MAP4: variants seen among roughly 807,000 people sequenced by gnomAD.
The protein encoded by MAP4 is microtubule-associated protein 4.
In MAP4, 76 loss-of-function variants were observed where a neutral mutation model predicts 170.2. That is an observed-to-expected ratio of 0.45 (90% CI 0.37 to 0.54). The LOEUF is 0.54. Among genes scored for constraint, MAP4 ranks in the 20% least tolerant of loss-of-function variants. The pLI is 0.00. For synonymous variants in MAP4, 909 were observed against 994.5 expected, an observed-to-expected ratio of 0.91 and a Z score of 1.62; for missense variants, 2,506 against 2,748.0, an observed-to-expected ratio of 0.91 and a Z score of 1.97.
intron 3 of MAP4, among the ~76,000 whole-genome samples, chr3:47,970,666 C>T (rs1232887796): frequency 6.6e-6 from 1 of 151,830 alleles, no homozygotes; most frequent in Non-Finnish European, 1.5e-5. Context: ...AAAAAATTAG[C>T]TGGGCATGGT....
chr3:47,970,612 C>G (rs2100078077), intron 3 of MAP4, among the ~76,000 whole-genome samples: 1 of 151,910 alleles, frequency 6.6e-6, no homozygotes, highest in South Asian at 2.1e-4. Context: ...GAGTTCGAGA[C>G]CAGCCTGGCC....
chr3:48,009,090 TTTGTTGTTGTTG>T (rs371280122), intron 1 of MAP4, among the ~76,000 whole-genome samples: 1 of 151,660 alleles, frequency 6.6e-6, no homozygotes. Flanking sequence ...GTTTTTTTGG[TTTGTTGTTGTTG>T]TTGTTGTTGT....
At chr3:48,025,213 T>C (rs1255503448) in intron 1 of MAP4, among the ~76,000 whole-genome samples, 1 of 152,154 alleles carries the variant, frequency 6.6e-6, no homozygotes, top group Non-Finnish European at 1.5e-5. Context: ...TGTGATTTCA[T>C]ATGGCTTGAC....
At chr3:47,884,470 C>T (rs555344517) in intron 10 of MAP4, among the ~76,000 whole-genome samples, 89 of 152,220 alleles carry the variant, frequency 5.8e-4, no homozygotes, top group Non-Finnish European at 6.6e-4. Context: ...CATGCAATCA[C>T]CCTGTTTATA....
At chr3:47,935,497 C>T (rs2100052184) in intron 3 of MAP4, among the ~76,000 whole-genome samples, 1 of 152,036 alleles carries the variant, frequency 6.6e-6, no homozygotes, top group South Asian at 2.1e-4. Flanking sequence ...AAAGGGAAAC[C>T]CACCCCTAGG....
In MAP4 at chr3:47,852,860, G is replaced by A; in HGVS notation, c.*74C>T. ...GAGTTGGGGCCGCCAGGGAAGTGTG[G>A]GGGGCGGGAGACAATGTCGGCCCCG... On this transcript the variant is annotated 3_prime_UTR_variant, in exon 21 of 21. Transcript: ENST00000683076. The A allele has an allele frequency of 6.4e-7, 1 of 1,566,782 alleles. No individual in the cohort carries two copies. Among genetic ancestry groups the A allele is most frequent in the South Asian group, 1.2e-5 (1 of 86,366 alleles).
intron 17 of MAP4, among the ~76,000 whole-genome samples, chr3:47,864,036 G>T (rs1161369021): frequency 6.6e-6 from 1 of 151,032 alleles, no homozygotes; most frequent in Non-Finnish European, 1.5e-5. Context: ...GAAGTGTGGT[G>T]GTGCCATCAC....
intron 1 of MAP4, among the ~76,000 whole-genome samples, chr3:48,036,636 C>T (rs766618990): frequency 1.3e-4 from 20 of 152,146 alleles, no homozygotes; most frequent in Non-Finnish European, 2.5e-4. Flanking sequence ...TCTATGTAAA[C>T]AGTACCAGTC....
intron 1 of MAP4, among the ~76,000 whole-genome samples, chr3:48,086,558 G>T: frequency 6.6e-6 from 1 of 152,128 alleles, no homozygotes; most frequent in East Asian, 1.9e-4. Flanking sequence ...AGAACTGCTT[G>T]AACTCCGGAG....
intron 3 of MAP4, among the ~76,000 whole-genome samples, chr3:47,931,221 CA>C (rs374262025): frequency 2.6e-4 from 39 of 147,698 alleles, no homozygotes; most frequent in Middle Eastern, 3.6e-3. Flanking sequence ...CAAAAACATA[CA>C]AAAAAAAAAT....
chr3:48,009,090 TTTGTTGTTG>T (rs371280122), intron 1 of MAP4, among the ~76,000 whole-genome samples: 9 of 151,778 alleles, frequency 5.9e-5, no homozygotes, highest in Admixed American at 4.6e-4. Context: ...GTTTTTTTGG[TTTGTTGTTG>T]TTGTTGTTGT....
chr3:47,955,478 ACACT>A (rs1181284496), intron 3 of MAP4, among the ~76,000 whole-genome samples: 95 of 144,978 alleles, frequency 6.6e-4, no homozygotes, highest in African/African-American at 2.3e-3. Flanking sequence ...ACACACACAC[ACACT>A]AGTCAACTAT....
intron 10 of MAP4, among the ~76,000 whole-genome samples, chr3:47,880,056 T>TA (rs2096405152): frequency 6.6e-6 from 1 of 152,168 alleles, no homozygotes; most frequent in African/African-American, 2.4e-5. Flanking sequence ...TTGATTCTGT[T>TA]AAACGATTTT....
chr3:48,003,902 C>T (rs1579129701), intron 1 of MAP4, among the ~76,000 whole-genome samples: 3 of 152,222 alleles, frequency 2.0e-5, no homozygotes, highest in Admixed American at 2.0e-4. Context: ...GGGGCCTAGC[C>T]TCCCAGTCTA....
intron 1 of MAP4, among the ~76,000 whole-genome samples, chr3:48,033,269 C>T (rs1166638975): frequency 1.3e-5 from 2 of 152,140 alleles, no homozygotes; most frequent in Admixed American, 6.6e-5. Context: ...AAGGTAAGTC[C>T]AGCTATATCT....
At chr3:47,991,644 G>GT (rs1329348649) in intron 2 of MAP4, among the ~76,000 whole-genome samples, 2 of 152,100 alleles carry the variant, frequency 1.3e-5, no homozygotes, top group African/African-American at 4.8e-5. Flanking sequence ...TCCAGCCTAG[G>GT]TGACATGGAA....
At chr3:47,988,211 A>G (rs976551609) in intron 2 of MAP4, among the ~76,000 whole-genome samples, 3 of 151,780 alleles carry the variant, frequency 2.0e-5, no homozygotes, top group Non-Finnish European at 4.4e-5. Context: ...AAAAAAAAGA[A>G]AGCAAAGCAA....
chr3:47,915,464 G>A (rs2100038245), intron 7 of MAP4, among the ~76,000 whole-genome samples: 1 of 152,080 alleles, frequency 6.6e-6, no homozygotes, highest in Admixed American at 6.6e-5. Context: ...TTGTTAAATG[G>A]GTGGGAATGA....
intron 2 of MAP4, among the ~76,000 whole-genome samples, chr3:47,994,461 C>T (rs961602922): frequency 6.6e-6 from 1 of 152,142 alleles, no homozygotes; most frequent in Non-Finnish European, 1.5e-5. Context: ...AGCTGCTTTT[C>T]GTTTTCTAAT....
Sources: allele counts gnomAD v4.1 joint callset (sites outside exome capture counted in the v4.1 genomes callset), GRCh38; gene constraint gnomAD v4.1.1; transcripts MANE v1.5; gene names NCBI Gene and HGNC (gene_info 2026-07-23, HGNC 2026-07-21).